The following ZNF583 variants were observed in gnomAD, a reference collection of about 807,000 sequenced individuals.
ZNF583 encodes the protein zinc finger protein L3-5.
ZNF583 carries 30 observed loss-of-function variants against 55.3 expected under a neutral mutation model. The observed-to-expected ratio is 0.54, with a 90% CI of 0.41 to 0.74. The LOEUF is 0.74. Among genes scored for constraint, ZNF583 ranks in the 30% least tolerant of loss-of-function variants. The pLI, the probability that ZNF583 is intolerant of heterozygous loss-of-function variation, is 0.00. For missense variants in ZNF583, 504 were observed against 664.7 expected (o/e 0.76, Z 2.66); for synonymous variants, 208 against 220.0 (o/e 0.95, Z 0.48).
intron 2 of ZNF583, 124 bp downstream of exon 2, chr19:56,407,247 C>A: frequency 9.1e-7 from 1 of 1,100,288 alleles, no homozygotes; most frequent in Non-Finnish European, 1.3e-6. Context: ...TGACTCGTTC[C>A]TCATATCTTG....
intron 4 of ZNF583, among the ~76,000 whole-genome samples, chr19:56,422,540 T>C (rs2042432151): frequency 6.6e-6 from 1 of 152,182 alleles, no homozygotes; most frequent in African/African-American, 2.4e-5. Flanking sequence ...TTAATCATAT[T>C]AACATCATAA....
chr19:56,406,625 T>C (rs963332142), intron 1 of ZNF583, among the ~76,000 whole-genome samples: 6 of 146,188 alleles, frequency 4.1e-5, no homozygotes, highest in Admixed American at 7.1e-5. Context: ...CTCCGCCTCC[T>C]GGGTTCACGC....
At chr19:56,411,931 A>G (rs1600359169) in intron 2 of ZNF583, among the ~76,000 whole-genome samples, 2 of 152,262 alleles carry the variant, frequency 1.3e-5, no homozygotes, top group Admixed American at 1.3e-4. Context: ...AAAATCACTG[A>G]TGTATTTGAG....
chr19:56,411,788 C>G lies in ZNF583; in HGVS notation c.10-2171C>G, dbSNP rs111234998. Among the ~76,000 whole-genome samples, 361 of 152,272 alleles carry G rather than the reference C, an allele frequency of 2.4e-3. 1 individual carries two copies. The highest frequency in any genetic ancestry group is 8.4e-3 in the African/African-American group (349 of 41,554). ...ATAGAAGCTTTTTAAGCAGCTGATG[C>G]GTGTAATTGATATTTCTTGGAGCCA... On this transcript the variant is annotated intron_variant, in intron 2 of 4. Coordinates refer to ENST00000333201, the MANE Select transcript of ZNF583 (RefSeq NM_152478.3).
intron 1 of ZNF583, among the ~76,000 whole-genome samples, chr19:56,405,586 A>G (rs539357856): frequency 1.3e-5 from 2 of 152,158 alleles, no homozygotes; most frequent in African/African-American, 4.8e-5. Flanking sequence ...GGAGAGACAG[A>G]CAGGAGCCTC....
At chr19:56,407,182 A>G in intron 2 of ZNF583, 59 bp downstream of exon 2, 5 of 1,601,914 alleles carry the variant, frequency 3.1e-6, no homozygotes, top group Non-Finnish European at 4.3e-6. Context: ...AGGTTATACG[A>G]ACATTTTGTT....
rs939170931 is a variant in ZNF583, at chr19:56,425,474, T to C, written c.*1106T>C. The C allele has an allele frequency of 6.6e-6, 1 of 152,228 alleles. No homozygotes were observed. Among genetic ancestry groups the C allele is most frequent in the Admixed American group, 6.5e-5 (1 of 15,270 alleles). 9.4% of individuals were successfully genotyped at this position (152,228 alleles called of 1,614,324 possible). ...ATCCGCCTGCCTTGGCCTCCCAAAG[T>C]GCTGGGATTACATGCGTGAGCTACC... On this transcript the variant is annotated 3_prime_UTR_variant, in exon 5 of 5. Coordinates refer to ENST00000333201, the MANE Select transcript of ZNF583 (RefSeq NM_152478.3).
chr19:56,414,072 C>G lies in ZNF583; in HGVS notation c.123C>G (p.Ser41Arg). The change falls in exon 3 of 5, where the codon AGC becomes AGG. Residue 41 changes from serine (S) to arginine (R), a missense_variant. Coordinates refer to ENST00000333201, the MANE Select transcript of ZNF583 (RefSeq NM_152478.3). ...YRKVMLENYR[S>R]LVSLGVSVSK... The stretch of plus-strand genomic sequence containing the variant: ...AAGTGATGTTGGAGAACTACAGGAG[C>G]TTGGTATCATTGGGTAAGGACATGT... The G allele has an allele frequency of 6.3e-7, 1 of 1,597,588 alleles. No homozygotes were observed. The highest frequency in any genetic ancestry group is 8.5e-7 in the Non-Finnish European group (1 of 1,173,060).
intron 4 of ZNF583, among the ~76,000 whole-genome samples, chr19:56,420,743 A>T (rs2042401494): frequency 6.6e-6 from 1 of 152,138 alleles, no homozygotes; most frequent in Non-Finnish European, 1.5e-5. Flanking sequence ...TTTGCATGTT[A>T]CATCTTTCTT....
At chr19:56,417,812 A>T (rs1272677495) in intron 4 of ZNF583, among the ~76,000 whole-genome samples, 1 of 152,156 alleles carries the variant, frequency 6.6e-6, no homozygotes, top group Non-Finnish European at 1.5e-5. Flanking sequence ...GAGCTAATTT[A>T]TGTGTCTTGT....
chr19:56,411,272 CAG>C (rs1207660139), intron 2 of ZNF583, among the ~76,000 whole-genome samples: 1 of 151,956 alleles, frequency 6.6e-6, no homozygotes, highest in African/African-American at 2.4e-5. Flanking sequence ...GCCTTGGCGA[CAG>C]AGCAAGATCC....
chr19:56,415,855 T>G (rs1415126103), intron 4 of ZNF583, among the ~76,000 whole-genome samples: 1 of 151,896 alleles, frequency 6.6e-6, no homozygotes, highest in Non-Finnish European at 1.5e-5. Flanking sequence ...CATCAGCCAC[T>G]GCCCCCAGCC....
At chr19:56,409,527 G>T (rs2042205934) in intron 2 of ZNF583, among the ~76,000 whole-genome samples, 1 of 151,958 alleles carries the variant, frequency 6.6e-6, no homozygotes, top group African/African-American at 2.4e-5. Context: ...TTTGAGATGG[G>T]GTCTCACTAT....
rs970500567 is a variant in ZNF583, at chr19:56,409,711, T to G, written c.9+2588T>G. Among the ~76,000 whole-genome samples, 6 of 152,200 alleles carry G rather than the reference T, an allele frequency of 3.9e-5. 1 individual carries two copies. Among genetic ancestry groups the G allele is most frequent in the Admixed American group, 3.3e-4 (5 of 15,280 alleles). On this transcript the variant is annotated intron_variant, in intron 2 of 4. Transcript: ENST00000333201. Reference sequence around the variant, plus strand: ...ATGCCTCTTGTAAGCAGCATATAACTGGCTAGTTTTAAAAAAGCTAGCCTG... The same window carrying G: ...ATGCCTCTTGTAAGCAGCATATAACGGGCTAGTTTTAAAAAAGCTAGCCTG...
chr19:56,416,733 T>C (rs565018575), intron 4 of ZNF583, among the ~76,000 whole-genome samples: 4 of 151,550 alleles, frequency 2.6e-5, no homozygotes, highest in East Asian at 1.9e-4. Context: ...TCTGGTTTTA[T>C]TGTATTTGAT....
chr19:56,408,139 T>C (rs1049981967), intron 2 of ZNF583, among the ~76,000 whole-genome samples: 6 of 152,184 alleles, frequency 3.9e-5, no homozygotes, highest in African/African-American at 1.4e-4. Context: ...AAGGGATGGA[T>C]TATTCATCTA....
intron 4 of ZNF583, chr19:56,414,658 C>G (rs961867591): frequency 2.1e-6 from 1 of 482,682 alleles, no homozygotes; most frequent in Non-Finnish European, 3.7e-6. Flanking sequence ...GTAATCTTCT[C>G]TGATAACCCA....
intron 2 of ZNF583, among the ~76,000 whole-genome samples, chr19:56,410,516 A>G (rs2042221520): frequency 6.6e-6 from 1 of 152,116 alleles, no homozygotes; most frequent in Non-Finnish European, 1.5e-5. Flanking sequence ...CCTGGCCAAC[A>G]TGGTGAAACC....
In ZNF583 at chr19:56,424,423, T is replaced by G. The variant is rs1041439101; in HGVS notation, c.*55T>G. On this transcript the variant is annotated 3_prime_UTR_variant, in exon 5 of 5. Transcript: ENST00000333201. Reference sequence around the variant, plus strand: ...TTTCCATCCCATCATCCTTGTCCAATGCACATTAATATATTTGACATGGGA... The same window carrying G: ...TTTCCATCCCATCATCCTTGTCCAAGGCACATTAATATATTTGACATGGGA... 8.1e-6 allele frequency: 6 copies of G among 743,922 alleles called. No individual in the cohort carries two copies. In the African/African-American group the frequency reaches 1.1e-4, roughly 13 times the overall value. 46.1% of individuals were successfully genotyped at this position (743,922 alleles called of 1,614,324 possible). A position where few individuals can be genotyped will look rare whatever the true frequency, so the allele number is the denominator to read the frequency against.
Sources: gnomAD v4.1 joint callset for allele counts (sites outside exome capture counted in the v4.1 genomes callset) on GRCh38, gnomAD v4.1.1 for gene constraint, MANE v1.5 for transcripts, NCBI Gene and HGNC (gene_info 2026-07-23, HGNC 2026-07-21) for gene names.